TRAPPC8: variants seen among roughly 807,000 people sequenced by gnomAD.
The protein encoded by TRAPPC8 is general sporulation gene 1 homolog.
In TRAPPC8, 54 loss-of-function variants were observed where a neutral mutation model predicts 174.3. That is an observed-to-expected ratio of 0.31 (90% CI 0.25 to 0.39). The LOEUF is 0.39. TRAPPC8 is among the 10% of genes least tolerant of loss of function. The pLI is 1.00. For missense variants in TRAPPC8, 1,531 were observed against 1,699.1 expected (o/e 0.90, Z 1.74); for synonymous variants, 630 against 579.9 (o/e 1.09, Z -1.24).
intron 1 of TRAPPC8, among the ~76,000 whole-genome samples, chr18:31,940,125 G>C (rs1436706014): frequency 6.6e-6 from 1 of 152,180 alleles, no homozygotes; most frequent in African/African-American, 2.4e-5. Flanking sequence ...TTTTCACATT[G>C]ATTACACATT....
In TRAPPC8 at chr18:31,870,436, G is replaced by A; in HGVS notation, c.2324C>T (p.Ser775Leu). The change falls in exon 16 of 29, where the codon TCA (serine) becomes TTA (leucine). Residue 775 changes from serine to leucine, a missense_variant. Coordinates refer to ENST00000283351, the MANE Select transcript of TRAPPC8 (RefSeq NM_014939.5). ...TTTAGGATGAAACTTCCAAAGCAAT[G>A]ACAAATCAGTCAACAAAAGTAGAAC... ...LKVLLLLTDLSLLWKFHPKDF... is the reference protein window; with the variant it reads ...LKVLLLLTDLLLLWKFHPKDF... The A allele has an allele frequency of 6.2e-7, 1 of 1,612,192 alleles. No individual in the cohort carries two copies. Among genetic ancestry groups the A allele is most frequent in the Non-Finnish European group, 8.5e-7 (1 of 1,179,066 alleles).
chr18:31,911,738 T>C (rs550955993), intron 5 of TRAPPC8, among the ~76,000 whole-genome samples: 5 of 107,336 alleles, frequency 4.7e-5, no homozygotes, highest in Admixed American at 2.9e-4. Flanking sequence ...GCCTGGGCGA[T>C]AGAGTAAGAC....
Position 31,854,300 on chromosome 18 carries a change from CTGAGA to C in TRAPPC8, c.3337-360_3337-356del, listed in dbSNP as rs1040532958. On this transcript the variant is annotated intron_variant, in intron 21 of 28. Transcript: ENST00000283351. ...GGCATTTTCTTTTTATTTCTCTACTCTGAGATATCTCATTCTTATTAGGCAAAAAA... is the reference window on the plus strand; with the variant it reads ...GGCATTTTCTTTTTATTTCTCTACTCTATCTCATTCTTATTAGGCAAAAAA... Among the ~76,000 whole-genome samples, 197 of 152,150 alleles carry C rather than the reference CTGAGA, an allele frequency of 1.3e-3. 2 individuals carry two copies. Among genetic ancestry groups the C allele is most frequent in the African/African-American group, 4.5e-3 (187 of 41,494 alleles).
rs2036717985 is a variant in TRAPPC8, at chr18:31,907,584, T to C, written c.1265A>G (p.Gln422Arg). ...ACATAAGTCAGCCATTTTCCTGATT[T>C]GAAGTTCTGGTGCTTCCGGCGGATA... ...LLYPPEAPEL[Q>R]IRKMADLCFL... Residue 422 changes from glutamine to arginine, a missense_variant, in exon 9 of 29, where the codon CAA becomes CGA. Coordinates refer to ENST00000283351, the MANE Select transcript of TRAPPC8 (RefSeq NM_014939.5). 11 of 1,611,134 alleles carry C rather than the reference T, an allele frequency of 6.8e-6. No individual in the cohort carries two copies. The highest frequency in any genetic ancestry group is 9.3e-6 in the Non-Finnish European group (11 of 1,178,318).
chr18:31,886,174 T>G (rs1459393857), intron 12 of TRAPPC8, among the ~76,000 whole-genome samples: 1 of 151,526 alleles, frequency 6.6e-6, no homozygotes, highest in Non-Finnish European at 1.5e-5. Context: ...CCTGGCTAAT[T>G]TTTTTCGTAT....
intron 26 of TRAPPC8, among the ~76,000 whole-genome samples, chr18:31,842,875 T>C (rs2144987726): frequency 6.6e-6 from 1 of 152,290 alleles, no homozygotes; most frequent in East Asian, 1.9e-4. Context: ...GGATACTCAA[T>C]CTCTTATTTT....
chr18:31,934,828 T>C (rs1438670257), intron 1 of TRAPPC8, among the ~76,000 whole-genome samples: 3 of 151,534 alleles, frequency 2.0e-5, no homozygotes, highest in South Asian at 2.1e-4. Context: ...GACCACACCA[T>C]TGTACTCCAG....
chr18:31,855,912 A>C (rs1473683096), intron 20 of TRAPPC8, 105 bp from the exon 21 acceptor site: 2 of 1,223,316 alleles, frequency 1.6e-6, no homozygotes, highest in African/African-American at 3.2e-5. Flanking sequence ...TCTCAGGACC[A>C]TTTATACTCT....
intron 9 of TRAPPC8, among the ~76,000 whole-genome samples, chr18:31,901,836 G>GT (rs1455748933): frequency 6.6e-6 from 1 of 152,234 alleles, no homozygotes; most frequent in African/African-American, 2.4e-5. Flanking sequence ...GTGTGGCAGT[G>GT]TGAGTGGGTG....
Position 31,853,935 on chromosome 18 carries a change from C to G in TRAPPC8, c.3347G>C (p.Gly1116Ala). The G allele has an allele frequency of 1.2e-6, 2 of 1,608,602 alleles. No individual in the cohort carries two copies. Among genetic ancestry groups the G allele is most frequent in the Non-Finnish European group, 8.5e-7 (1 of 1,178,706 alleles). ...DVENTNTSEA[G>A]VKEFHIVQVS... is the part of the protein sequence containing the mutation. ...TTGCACTATGTGGAATTCCTTAACG[C>G]CTGCTTCACTCTGTCAAAAAAAAAG... Residue 1116 changes from glycine (G) to alanine (A), a missense_variant, in exon 22 of 29, where the codon GGC (glycine) becomes GCC (alanine). Physicochemically the swap from Gly to Ala is moderately conservative, Grantham distance 60. Transcript: ENST00000283351.
At chr18:31,916,511 G>A in intron 3 of TRAPPC8, 65 bp from the exon 4 acceptor site, 2 of 1,414,540 alleles carry the variant, frequency 1.4e-6, no homozygotes, top group Middle Eastern at 1.8e-4. Flanking sequence ...GTCCTACTGA[G>A]ATAAACAGGA....
At chr18:31,887,875 A>C (rs1018584672) in intron 12 of TRAPPC8, among the ~76,000 whole-genome samples, 3 of 152,090 alleles carry the variant, frequency 2.0e-5, no homozygotes, top group Non-Finnish European at 4.4e-5. Flanking sequence ...GAAAGAAATA[A>C]AGGGTATTCA....
chr18:31,839,501 T>C (rs1290918279), intron 26 of TRAPPC8, 44 bp from the exon 27 acceptor site: 3 of 1,507,412 alleles, frequency 2.0e-6, no homozygotes, highest in Non-Finnish European at 2.7e-6. Flanking sequence ...AAACACTACC[T>C]TGTTTAAAAA....
intron 10 of TRAPPC8, 124 bp from the exon 11 acceptor site, chr18:31,898,015 A>G: frequency 1.3e-6 from 1 of 749,548 alleles, no homozygotes; most frequent in East Asian, 2.9e-5. Flanking sequence ...TGGTTCCAGG[A>G]CCCTCCAGGA....
At chr18:31,867,597 T>TATGATACAGCG in intron 16 of TRAPPC8, 121 bp from the exon 17 acceptor site, 1 of 641,130 alleles carries the variant, frequency 1.6e-6, no homozygotes. Context: ...ACTTGGTTTT[T>TATGATACAGCG]ACCACATGCT....
intron 27 of TRAPPC8, among the ~76,000 whole-genome samples, chr18:31,837,893 C>T (rs886707439): frequency 1.3e-5 from 2 of 149,968 alleles, no homozygotes; most frequent in Non-Finnish European, 3.0e-5. Context: ...TACAAATATA[C>T]TCTATAATTC....
chr18:31,889,717 AG>A (rs2035874795), intron 12 of TRAPPC8, among the ~76,000 whole-genome samples: 1 of 152,182 alleles, frequency 6.6e-6, no homozygotes, highest in Admixed American at 6.5e-5. Context: ...AAGATTTGAA[AG>A]GTTTTTTAAT....
At chr18:31,834,172 C>A (rs1187199091) in intron 27 of TRAPPC8, among the ~76,000 whole-genome samples, 1 of 151,822 alleles carries the variant, frequency 6.6e-6, no homozygotes, top group African/African-American at 2.4e-5. Context: ...TGCAGTGGCA[C>A]GATCTTGGCT....
chr18:31,846,736 A>C lies in TRAPPC8; in HGVS notation c.3817T>G (p.Phe1273Val). 1 of 1,611,532 alleles carries C rather than the reference A, an allele frequency of 6.2e-7. No individual in the cohort carries two copies. The highest frequency in any genetic ancestry group is 2.2e-5 in the East Asian group (1 of 44,856). The change falls in exon 26 of 29, where the codon TTT becomes GTT. Residue 1273 changes from phenylalanine (F) to valine (V), a missense_variant. Physicochemically the swap from Phe to Val is conservative, Grantham distance 50. Transcript: ENST00000283351. The part of the protein sequence containing the change: ...VILRTIGKEA[F>V]SYPQKQEPPE... ...ATCACCTGTTTCTGAGGATATGAAA[A>C]GGCTTCTTTTCCTATAGTGCGAAGA...
Sources: gnomAD v4.1 joint callset for allele counts (sites outside exome capture counted in the v4.1 genomes callset) on GRCh38, gnomAD v4.1.1 for gene constraint, MANE v1.5 for transcripts, NCBI Gene and HGNC (gene_info 2026-07-23, HGNC 2026-07-21) for gene names.